The following SGCZ variants were observed in gnomAD, a reference collection of about 807,000 sequenced individuals.
SGCZ encodes zeta-sarcoglycan.
A neutral mutation model predicts 41.3 loss-of-function variants in SGCZ; 40 were observed. The ratio of observed to expected loss-of-function variants is 0.97; its 90% CI spans 0.75 to 1.26. The LOEUF is 1.26. Ranked by LOEUF, SGCZ falls within the 50% of genes most tolerant of loss-of-function variation. The probability of loss-of-function intolerance (pLI) is 0.00; values close to 1 mark genes in which losing one functional copy is unlikely to be tolerated. For synonymous variants in SGCZ, 206 were observed against 137.5 expected, an observed-to-expected ratio of 1.50 and a Z score of -3.49; for missense variants, 552 against 369.8, an observed-to-expected ratio of 1.49 and a Z score of -4.04.
At chr8:14,251,936 C>T (rs548618880) in intron 3 of SGCZ, among the ~76,000 whole-genome samples, 2 of 152,208 alleles carry the variant, frequency 1.3e-5, no homozygotes, top group South Asian at 4.1e-4. Flanking sequence ...TCTCGAACTC[C>T]TGACCTTAGG....
intron 1 of SGCZ, among the ~76,000 whole-genome samples, chr8:14,828,283 G>A (rs779929095): frequency 6.6e-6 from 1 of 152,150 alleles, no homozygotes; most frequent in Non-Finnish European, 1.5e-5. Flanking sequence ...AGGAACAAAT[G>A]ATTTATGTCA....
At chr8:14,539,348 T>C (rs1227752486) in intron 2 of SGCZ, among the ~76,000 whole-genome samples, 2 of 151,868 alleles carry the variant, frequency 1.3e-5, no homozygotes, top group Non-Finnish European at 2.9e-5. Context: ...GAACCCTGAT[T>C]AATAAAAAGA....
intron 1 of SGCZ, among the ~76,000 whole-genome samples, chr8:15,171,280 A>T (rs1799821125): frequency 6.6e-6 from 1 of 152,246 alleles, no homozygotes; most frequent in Admixed American, 6.5e-5. Flanking sequence ...TGTGCAGGGT[A>T]AAAGAATCCA....
chr8:14,956,360 C>T (rs1800793248), intron 1 of SGCZ, among the ~76,000 whole-genome samples: 7 of 152,062 alleles, frequency 4.6e-5, no homozygotes, highest in Admixed American at 4.6e-4. Flanking sequence ...TAATAAAAGT[C>T]CCAATATCAG....
chr8:15,163,622 A>G (rs145492465), intron 1 of SGCZ, among the ~76,000 whole-genome samples: 109 of 152,346 alleles, frequency 7.2e-4, no homozygotes, highest in Middle Eastern at 3.4e-3. Context: ...TAGAGACCCT[A>G]AAGTAAATTA....
intron 5 of SGCZ, among the ~76,000 whole-genome samples, chr8:14,149,751 G>C (rs1474239484): frequency 1.3e-5 from 2 of 151,706 alleles, no homozygotes; most frequent in African/African-American, 4.8e-5. Context: ...TGAAACTGGA[G>C]TAATACATCA....
intron 1 of SGCZ, among the ~76,000 whole-genome samples, chr8:15,182,493 T>C (rs900890864): frequency 3.9e-5 from 6 of 152,180 alleles, no homozygotes; most frequent in African/African-American, 1.4e-4. Flanking sequence ...CTACACTGAA[T>C]ACCAGAGGCA....
At chr8:14,480,518 G>A (rs1801506290) in intron 2 of SGCZ, among the ~76,000 whole-genome samples, 1 of 151,922 alleles carries the variant, frequency 6.6e-6, no homozygotes, top group Non-Finnish European at 1.5e-5. Flanking sequence ...TCATGACTTC[G>A]TTATGCTTAT....
At chr8:15,170,124 T>C (rs1162330788) in intron 1 of SGCZ, among the ~76,000 whole-genome samples, 1 of 137,776 alleles carries the variant, frequency 7.3e-6, no homozygotes, top group African/African-American at 2.8e-5. Context: ...TGATCAGTAA[T>C]TAAATTTTTT....
intron 1 of SGCZ, among the ~76,000 whole-genome samples, chr8:14,671,767 A>T (rs1808110167): frequency 1.3e-5 from 2 of 152,308 alleles, no homozygotes; most frequent in South Asian, 4.1e-4. Flanking sequence ...TTTCAAAAAC[A>T]AATAACAAAC....
chr8:14,305,371 C>G (rs1018255693), intron 3 of SGCZ, among the ~76,000 whole-genome samples: 1 of 152,004 alleles, frequency 6.6e-6, no homozygotes, highest in African/African-American at 2.4e-5. Context: ...TTTAAAACTA[C>G]GGGAAGGCAT....
intron 1 of SGCZ, among the ~76,000 whole-genome samples, chr8:14,969,533 C>A (rs1801226598): frequency 6.6e-6 from 1 of 151,936 alleles, no homozygotes; most frequent in Admixed American, 6.6e-5. Context: ...TGCCCCAGTC[C>A]CCAAGCTTAG....
chr8:14,704,230 G>A (rs1412548184), intron 1 of SGCZ, among the ~76,000 whole-genome samples: 1 of 151,974 alleles, frequency 6.6e-6, no homozygotes, highest in Non-Finnish European at 1.5e-5. Context: ...AATAATAGCA[G>A]TAACTCTTGC....
At chr8:14,465,582 T>G (rs1801025717) in intron 2 of SGCZ, among the ~76,000 whole-genome samples, 2 of 151,744 alleles carry the variant, frequency 1.3e-5, no homozygotes, top group Non-Finnish European at 3.0e-5. Flanking sequence ...TTTTCTTTCT[T>G]GTATTACTGT....
intron 1 of SGCZ, among the ~76,000 whole-genome samples, chr8:14,588,711 C>T (rs1443867245): frequency 6.6e-6 from 1 of 152,122 alleles, no homozygotes; most frequent in African/African-American, 2.4e-5. Flanking sequence ...TGAATTTTAA[C>T]TGCCTTGTAA....
At chr8:14,179,915 G>A (rs1585206112) in intron 4 of SGCZ, among the ~76,000 whole-genome samples, 1 of 152,190 alleles carries the variant, frequency 6.6e-6, no homozygotes, top group South Asian at 2.1e-4. Flanking sequence ...TATAGAGCAA[G>A]AGGTATTTGA....
chr8:14,404,570 T>A (rs1799161161), intron 2 of SGCZ, among the ~76,000 whole-genome samples: 1 of 152,198 alleles, frequency 6.6e-6, no homozygotes, highest in Non-Finnish European at 1.5e-5. Context: ...GTTGCGTTAT[T>A]TTTCTTTAAC....
intron 1 of SGCZ, among the ~76,000 whole-genome samples, chr8:15,077,682 C>T (rs1469154230): frequency 1.3e-5 from 2 of 152,154 alleles, no homozygotes; most frequent in South Asian, 2.1e-4. Context: ...CCTTATCTTA[C>T]TCCCTCTGCT....
chr8:15,168,440 G>C (rs1188909861), intron 1 of SGCZ, among the ~76,000 whole-genome samples: 1 of 152,186 alleles, frequency 6.6e-6, no homozygotes, highest in African/African-American at 2.4e-5. Flanking sequence ...TATTCGAGCA[G>C]AGAATTCCCT....
Sources: gnomAD v4.1 joint callset for allele counts (sites outside exome capture counted in the v4.1 genomes callset) on GRCh38, gnomAD v4.1.1 for gene constraint, MANE v1.5 for transcripts, NCBI Gene and HGNC (gene_info 2026-07-23, HGNC 2026-07-21) for gene names.